The following DPYD variants were observed in gnomAD, a reference collection of about 807,000 sequenced individuals.
DPYD encodes dihydropyrimidine dehydrogenase.
Under a neutral mutation model 116.2 loss-of-function variants are expected in DPYD, and 109 were observed. That is an observed-to-expected ratio of 0.94 (90% CI 0.80 to 1.10). The LOEUF is 1.10. DPYD is among the 50% of genes least tolerant of loss of function. The pLI, the probability that DPYD is intolerant of heterozygous loss-of-function variation, is 0.00. For missense variants in DPYD, 1,302 were observed against 1,254.5 expected (o/e 1.04, Z -0.57); for synonymous variants, 440 against 432.0 (o/e 1.02, Z -0.23).
Position 97,133,998 on chromosome 1 carries a change from C to CAAAAAAAAAAAAAAAA in DPYD, c.2623-35382_2623-35367dup, listed in dbSNP as rs1208967697. Among the ~76,000 whole-genome samples the CAAAAAAAAAAAAAAAA allele has an allele frequency of 2.3e-4, 4 of 17,236 alleles. 1 individual carries two copies. The highest frequency in any genetic ancestry group is 1.3e-3 in the African/African-American group (4 of 3,078). 11.3% of individuals were successfully genotyped at this position (17,236 alleles called of 152,430 possible). A position where few individuals can be genotyped will look rare whatever the true frequency, so the allele number is the denominator to read the frequency against. On this transcript the variant is annotated intron_variant, in intron 20 of 22. Coordinates refer to ENST00000370192, the MANE Select transcript of DPYD (RefSeq NM_000110.4). ...TGGGTCACAGAGCCAGACTCTGTTT[C>CAAAAAAAAAAAAAAAA]AAAAAAAAAAAAAAAAATATATATA...
intron 2 of DPYD, among the ~76,000 whole-genome samples, chr1:97,860,675 CA>C (rs150746675): frequency 0.019 from 2,833 of 151,864 alleles, 90 homozygotes; most frequent in African/African-American, 0.065. Context: ...CTGAAATTTG[CA>C]ACTGAAATAA....
At chr1:97,691,829 T>G (rs1176130164) in intron 6 of DPYD, 31 bp from the exon 7 acceptor site, 1 of 1,588,460 alleles carries the variant, frequency 6.3e-7, no homozygotes, top group Non-Finnish European at 8.6e-7. Flanking sequence ...AAAACAGGCA[T>G]CAGTAGAAAA....
chr1:97,237,501 T>C (rs1662028285), intron 18 of DPYD, among the ~76,000 whole-genome samples: 1 of 152,172 alleles, frequency 6.6e-6, no homozygotes. Context: ...AGTATTAAGT[T>C]GGGCAAATTA....
At chr1:97,716,170 A>T (rs1053690975) in intron 5 of DPYD, among the ~76,000 whole-genome samples, 2 of 152,098 alleles carry the variant, frequency 1.3e-5, no homozygotes, top group African/African-American at 4.8e-5. Flanking sequence ...ATTAGTGTAT[A>T]TTTACCAGAC....
intron 13 of DPYD, among the ~76,000 whole-genome samples, chr1:97,514,558 G>T (rs1239945048): frequency 6.6e-6 from 1 of 151,310 alleles, no homozygotes; most frequent in Non-Finnish European, 1.5e-5. Context: ...ATTCTACAAG[G>T]TTATAAACAA....
intron 3 of DPYD, among the ~76,000 whole-genome samples, chr1:97,806,252 T>C (rs1257652106): frequency 6.6e-6 from 1 of 151,754 alleles, no homozygotes; most frequent in African/African-American, 2.4e-5. Context: ...TGGAAGAAAA[T>C]TAGAAGTCAA....
At chr1:97,096,817 T>G (rs541140542) in intron 21 of DPYD, among the ~76,000 whole-genome samples, 1 of 152,224 alleles carries the variant, frequency 6.6e-6, no homozygotes, top group South Asian at 2.1e-4. Flanking sequence ...CTGGGGTCCC[T>G]TTCCATGCTG....
chr1:97,404,564 T>G (rs1673545211), intron 14 of DPYD, among the ~76,000 whole-genome samples: 1 of 152,116 alleles, frequency 6.6e-6, no homozygotes, highest in African/African-American at 2.4e-5. Flanking sequence ...CTGATAACTT[T>G]CCTTGCTTTG....
chr1:97,713,399 C>T (rs1040866597), intron 5 of DPYD, among the ~76,000 whole-genome samples: 12 of 152,026 alleles, frequency 7.9e-5, no homozygotes, highest in African/African-American at 9.7e-5. Context: ...CCCCAAATCA[C>T]GGTAGCTTAT....
chr1:97,531,111 T>C (rs1446513242), intron 12 of DPYD, among the ~76,000 whole-genome samples: 2 of 152,198 alleles, frequency 1.3e-5, no homozygotes, highest in Non-Finnish European at 2.9e-5. Context: ...GAAGTTCTTT[T>C]AGTTTGTTGT....
At chr1:97,729,968 G>A (rs1222929657) in intron 4 of DPYD, among the ~76,000 whole-genome samples, 4 of 152,062 alleles carry the variant, frequency 2.6e-5, no homozygotes, top group African/African-American at 9.7e-5. Context: ...TTCTTTTCAG[G>A]TAACATTTCT....
At chr1:97,114,454 G>A (rs1343220659) in intron 20 of DPYD, among the ~76,000 whole-genome samples, 6 of 152,134 alleles carry the variant, frequency 3.9e-5, no homozygotes, top group African/African-American at 1.2e-4. Flanking sequence ...AACTCAGGAT[G>A]TCCTAACCAT....
chr1:97,851,249 C>CATATATATATATAT (rs60887494), intron 2 of DPYD, among the ~76,000 whole-genome samples: 17 of 146,966 alleles, frequency 1.2e-4, no homozygotes, highest in African/African-American at 3.2e-4. Context: ...GTCTAATTAC[C>CATATATATATATAT]ATATATATAT....
intron 13 of DPYD, among the ~76,000 whole-genome samples, chr1:97,486,630 G>A (rs978667285): frequency 2.0e-5 from 3 of 151,914 alleles, no homozygotes; most frequent in Admixed American, 2.0e-4. Flanking sequence ...GTAAATAATG[G>A]GAAGGTATAT....
At chr1:97,226,603 A>G in intron 19 of DPYD, among the ~76,000 whole-genome samples, 1 of 152,178 alleles carries the variant, frequency 6.6e-6, no homozygotes, top group East Asian at 1.9e-4. Context: ...TCCAAAAAAG[A>G]AATCAAAGAG....
intron 4 of DPYD, among the ~76,000 whole-genome samples, chr1:97,735,220 C>T (rs1413675949): frequency 2.0e-5 from 3 of 151,968 alleles, no homozygotes; most frequent in African/African-American, 7.3e-5. Flanking sequence ...GGCATCAACA[C>T]AAATGACAGA....
intron 20 of DPYD, among the ~76,000 whole-genome samples, chr1:97,175,377 G>A (rs1443081849): frequency 6.6e-6 from 1 of 152,164 alleles, no homozygotes; most frequent in Admixed American, 6.6e-5. Flanking sequence ...TCAAAGGACA[G>A]ACTACCAAAA....
chr1:97,357,903 T>C (rs1461529250), intron 16 of DPYD, among the ~76,000 whole-genome samples: 1 of 152,194 alleles, frequency 6.6e-6, no homozygotes, highest in African/African-American at 2.4e-5. Flanking sequence ...AGATGGGTGA[T>C]TTCTGCATTT....
chr1:97,445,872 C>G (rs1557716944), intron 14 of DPYD, among the ~76,000 whole-genome samples: 1 of 151,870 alleles, frequency 6.6e-6, no homozygotes, highest in Non-Finnish European at 1.5e-5. Flanking sequence ...ATTACAGGCA[C>G]CTGCCACCAT....
Sources: allele counts gnomAD v4.1 joint callset (sites outside exome capture counted in the v4.1 genomes callset), GRCh38; gene constraint gnomAD v4.1.1; transcripts MANE v1.5; gene names NCBI Gene and HGNC (gene_info 2026-07-23, HGNC 2026-07-21).